The following LRMDA variants were observed in gnomAD, a reference collection of about 807,000 sequenced individuals.
The protein encoded by LRMDA is leucine-rich melanocyte differentiation-associated protein.
LRMDA carries 18 observed loss-of-function variants against 29.8 expected under a neutral mutation model. The ratio of observed to expected loss-of-function variants is 0.60; its 90% CI spans 0.42 to 0.90. The LOEUF is 0.90. Ranked by LOEUF, LRMDA falls within the 40% of genes least tolerant of loss-of-function variation. The pLI is 0.00. For missense variants in LRMDA, 273 were observed against 273.9 expected (o/e 1.00, Z 0.02); for synonymous variants, 125 against 109.4 (o/e 1.14, Z -0.89).
chr10:76,217,936 C>T (rs939068625), intron 5 of LRMDA, among the ~76,000 whole-genome samples: 2 of 152,134 alleles, frequency 1.3e-5, no homozygotes, highest in Admixed American at 6.5e-5. Flanking sequence ...AAGCTTCTAC[C>T]AGAATCCATA....
chr10:76,119,704 G>A (rs561114821), intron 5 of LRMDA, among the ~76,000 whole-genome samples: 3 of 152,206 alleles, frequency 2.0e-5, no homozygotes, highest in African/African-American at 7.2e-5. Context: ...TTTCCCAAGG[G>A]ACTTCCAGGA....
intron 2 of LRMDA, among the ~76,000 whole-genome samples, chr10:75,909,426 C>T (rs775010444): frequency 6.6e-6 from 1 of 152,158 alleles, no homozygotes; most frequent in Non-Finnish European, 1.5e-5. Flanking sequence ...GCTCTGATGT[C>T]CCTGCAGCCC....
chr10:75,809,479 C>A (rs1431860732), intron 2 of LRMDA, among the ~76,000 whole-genome samples: 1 of 151,990 alleles, frequency 6.6e-6, no homozygotes, highest in East Asian at 1.9e-4. Context: ...CCTGTCTCTA[C>A]TAAAAGTACA....
At chr10:76,270,555 T>C (rs962421719) in intron 5 of LRMDA, 2 of 152,374 alleles carry the variant, frequency 1.3e-5, no homozygotes, top group African/African-American at 4.8e-5. Flanking sequence ...CCGTGGTGTT[T>C]TCAGTTCTTT....
Position 75,868,824 on chromosome 10 carries a change from C to T in LRMDA, c.132-167184C>T, listed in dbSNP as rs1349214690. On this transcript the variant is annotated intron_variant, in intron 2 of 6. Transcript: ENST00000611255. ...CACCTTCAAGGCCTGGCTGAAGTGC[C>T]GTCTCACCCAGGATTTCTCCACCAG... 3.9e-5 allele frequency among the ~76,000 whole-genome samples: 6 copies of T among 152,108 alleles called. No homozygotes were observed. The East Asian group carries it at 5.8e-4, about 15-fold the overall frequency.
At chr10:75,470,668 T>C (rs1266571302) in intron 2 of LRMDA, among the ~76,000 whole-genome samples, 3 of 152,180 alleles carry the variant, frequency 2.0e-5, no homozygotes, top group Non-Finnish European at 4.4e-5. Context: ...TCCTTCCCAG[T>C]GCCAGAGCTC....
intron 2 of LRMDA, among the ~76,000 whole-genome samples, chr10:75,810,715 T>C (rs1225307068): frequency 1.3e-5 from 2 of 152,190 alleles, no homozygotes; most frequent in Non-Finnish European, 2.9e-5. Flanking sequence ...AATTACAAAC[T>C]GGGTTCTAGA....
chr10:76,178,067 G>A (rs1048427600), intron 5 of LRMDA, among the ~76,000 whole-genome samples: 3 of 152,218 alleles, frequency 2.0e-5, no homozygotes, highest in Admixed American at 6.5e-5. Flanking sequence ...TTGTGCAAAT[G>A]TCTTCTGTGA....
chr10:75,989,290 T>A (rs76212448), intron 2 of LRMDA, among the ~76,000 whole-genome samples: 1 of 152,370 alleles, frequency 6.6e-6, no homozygotes, highest in East Asian at 1.9e-4. Context: ...TTCTGCAGGC[T>A]GCACAGGAAG....
chr10:76,121,065 G>T (rs1173084500), intron 5 of LRMDA, among the ~76,000 whole-genome samples: 1 of 151,786 alleles, frequency 6.6e-6, no homozygotes, highest in East Asian at 1.9e-4. Flanking sequence ...GACATTAGTT[G>T]ATATTGAAAT....
intron 2 of LRMDA, among the ~76,000 whole-genome samples, chr10:75,596,314 C>T (rs933867432): frequency 2.0e-5 from 3 of 152,338 alleles, no homozygotes; most frequent in South Asian, 2.1e-4. Flanking sequence ...TCCGCCCTTA[C>T]GTTTGCTCCT....
intron 5 of LRMDA, among the ~76,000 whole-genome samples, chr10:76,144,669 T>C (rs959776034): frequency 3.9e-5 from 6 of 152,162 alleles, no homozygotes; most frequent in Non-Finnish European, 8.8e-5. Context: ...CTTTTCCTAA[T>C]TGAATACCCT....
intron 5 of LRMDA, among the ~76,000 whole-genome samples, chr10:76,148,281 G>A (rs868088374): frequency 6.6e-6 from 1 of 152,224 alleles, no homozygotes. Flanking sequence ...CCTGCCCCCA[G>A]AGGTGGAGCC....
chr10:76,105,485 T>A (rs1849466417), intron 5 of LRMDA, among the ~76,000 whole-genome samples: 1 of 152,092 alleles, frequency 6.6e-6, no homozygotes, highest in South Asian at 2.1e-4. Flanking sequence ...TCTTCCTATA[T>A]TAGTGTAAGC....
intron 2 of LRMDA, among the ~76,000 whole-genome samples, chr10:75,972,869 A>AGGGGCT (rs769773435): frequency 2.6e-5 from 4 of 152,068 alleles, no homozygotes; most frequent in Admixed American, 1.3e-4. Context: ...TAGGCATGTG[A>AGGGGCT]GGGGCTGGGG....
chr10:75,947,993 C>T (rs1316817738), intron 2 of LRMDA, among the ~76,000 whole-genome samples: 5 of 152,206 alleles, frequency 3.3e-5, no homozygotes, highest in African/African-American at 1.2e-4. Flanking sequence ...ATTACTTCTT[C>T]AGCCTTAGGT....
intron 5 of LRMDA, among the ~76,000 whole-genome samples, chr10:76,294,526 A>G (rs189298039): frequency 8.1e-4 from 124 of 152,350 alleles, no homozygotes; most frequent in Admixed American, 3.2e-3. Context: ...TCCCTGACCT[A>G]GTAAACATTT....
intron 5 of LRMDA, among the ~76,000 whole-genome samples, chr10:76,116,020 C>T (rs574396009): frequency 3.5e-4 from 54 of 152,266 alleles, no homozygotes; most frequent in African/African-American, 1.3e-3. Flanking sequence ...CACAGTGTGA[C>T]ACGGCGCGTT....
intron 5 of LRMDA, among the ~76,000 whole-genome samples, chr10:76,139,335 T>G (rs1215497592): frequency 6.6e-6 from 1 of 152,212 alleles, no homozygotes; most frequent in Non-Finnish European, 1.5e-5. Context: ...CTACATCATA[T>G]TTAGTTAAAA....
Sources: allele counts gnomAD v4.1 joint callset (sites outside exome capture counted in the v4.1 genomes callset), GRCh38; gene constraint gnomAD v4.1.1; transcripts MANE v1.5; gene names NCBI Gene and HGNC (gene_info 2026-07-23, HGNC 2026-07-21).